The following PRKD3 variants were observed in gnomAD, a reference collection of about 807,000 sequenced individuals.
PRKD3 encodes the protein serine/threonine-protein kinase D3.
A neutral mutation model predicts 99.2 loss-of-function variants in PRKD3; 47 were observed. The ratio of observed to expected loss-of-function variants is 0.47; its 90% CI spans 0.38 to 0.60. The LOEUF (loss-of-function observed/expected upper bound fraction) is 0.60, where lower values mean the gene tolerates loss of function less well. Among genes scored for constraint, PRKD3 ranks in the 20% least tolerant of loss-of-function variants. PRKD3 has a pLI of 0.00. For missense variants in PRKD3, 1,019 were observed against 1,088.4 expected, an observed-to-expected ratio of 0.94 and a Z score of 0.90; for synonymous variants, 392 against 355.4, an observed-to-expected ratio of 1.10 and a Z score of -1.16.
intron 2 of PRKD3, among the ~76,000 whole-genome samples, chr2:37,299,718 A>G (rs193033308): frequency 2.8e-4 from 43 of 152,288 alleles, no homozygotes; most frequent in Non-Finnish European, 4.7e-4. Context: ...ATTAAAAAAT[A>G]AGCAAAAGAT....
chr2:37,282,500 C>T (rs1382876734), intron 7 of PRKD3, 42 bp downstream of exon 7: 4 of 1,224,424 alleles, frequency 3.3e-6, no homozygotes, highest in Non-Finnish European at 3.6e-6. Flanking sequence ...AGAATCATGG[C>T]CTTTTCTGAT....
At chr2:37,265,074 G>T (rs978882094) in intron 14 of PRKD3, among the ~76,000 whole-genome samples, 1 of 152,164 alleles carries the variant, frequency 6.6e-6, no homozygotes, top group Admixed American at 6.5e-5. Context: ...AGCTATGGAC[G>T]CCTCTAGGGA....
At position 37,291,013 on chromosome 2, in the gene PRKD3, A is replaced by G; in HGVS notation, c.428-14T>C. 1 of 1,593,630 alleles carries G rather than the reference A, an allele frequency of 6.3e-7. No individual in the cohort carries two copies. Among genetic ancestry groups the G allele is most frequent in the Non-Finnish European group, 8.5e-7 (1 of 1,170,010 alleles). ...CTGTGGCTAAAGCTTTAAAAAAGAA[A>G]AGTATTACAATACACGTTGTATTTG... On this transcript the variant is annotated splice_polypyrimidine_tract_variant and intron_variant, in intron 3 of 18. Transcript: ENST00000234179.
chr2:37,277,350 TAGGC>T (rs1669626723), intron 9 of PRKD3, among the ~76,000 whole-genome samples: 1 of 152,300 alleles, frequency 6.6e-6, no homozygotes, highest in Middle Eastern at 3.4e-3. Flanking sequence ...TACAGAGACT[TAGGC>T]AGTCTAGCTC....
intron 12 of PRKD3, among the ~76,000 whole-genome samples, chr2:37,270,293 T>C (rs913681865): frequency 6.7e-6 from 1 of 149,962 alleles, no homozygotes; most frequent in African/African-American, 2.5e-5. Flanking sequence ...CTAAAAAAAA[T>C]TAAAAATGAA....
Position 37,316,592 on chromosome 2 carries a change from A to G in PRKD3, c.-68T>C, listed in dbSNP as rs1671670031. 4 of 1,534,420 alleles carry G rather than the reference A, an allele frequency of 2.6e-6. No homozygotes were observed. In the South Asian group the frequency reaches 3.9e-5, roughly 15 times the overall value. On this transcript the variant is annotated 5_prime_UTR_variant, in exon 2 of 19. Coordinates refer to ENST00000234179, the MANE Select transcript of PRKD3 (RefSeq NM_005813.6). ...CAATGGTTATGAAGAGGTTTTTAAA[A>G]TAACAGCAGTAAAGAAAATGACCGC...
chr2:37,299,129 G>A lies in PRKD3; in HGVS notation c.289-5858C>T, dbSNP rs76482779. 5.1e-3 allele frequency among the ~76,000 whole-genome samples: 772 copies of A among 152,142 alleles called. 10 individuals are homozygous for A. The highest frequency in any genetic ancestry group is 0.017 in the African/African-American group (705 of 41,500). On this transcript the variant is annotated intron_variant, in intron 2 of 18. Transcript: ENST00000234179. ...CTAGTTTGTTGACAGTTTTTATCAC[G>A]AAGTTTTCATTGTGTTGAATTTTAC...
chr2:37,306,550 T>C (rs1414572769), intron 2 of PRKD3, among the ~76,000 whole-genome samples: 2 of 152,218 alleles, frequency 1.3e-5, no homozygotes, highest in African/African-American at 4.8e-5. Context: ...GGCTCACACA[T>C]GTAATCCCAG....
intron 14 of PRKD3, 21 bp from the exon 15 acceptor site, chr2:37,260,405 A>G (rs778839045): frequency 3.1e-6 from 5 of 1,591,322 alleles, no homozygotes; most frequent in Non-Finnish European, 3.4e-6. Flanking sequence ...GTTGCAAGAT[A>G]CATGAGCAAC....
intron 1 of PRKD3, among the ~76,000 whole-genome samples, chr2:37,320,330 C>T (rs1225460649): frequency 2.0e-5 from 3 of 151,706 alleles, no homozygotes; most frequent in African/African-American, 7.3e-5. Flanking sequence ...TAATGAGCTC[C>T]ACAACGTATC....
intron 2 of PRKD3, among the ~76,000 whole-genome samples, chr2:37,297,587 AAC>A (rs1208099027): frequency 6.6e-6 from 1 of 152,076 alleles, no homozygotes; most frequent in Non-Finnish European, 1.5e-5. Flanking sequence ...CATCACCTTT[AAC>A]TGTTATGTCC....
rs1356098583 is a variant in PRKD3 at position 37,316,898 on chromosome 2, A to G, written c.-374T>C. On this transcript the variant is annotated 5_prime_UTR_variant, in exon 2 of 19. Coordinates refer to ENST00000234179, the MANE Select transcript of PRKD3 (RefSeq NM_005813.6). ...CTTTAATTTCAGGAAATACATATTG[A>G]ATAAAAGTTGTTTTTCTGTCAAGGT... 32 of 1,012,070 alleles carry G rather than the reference A, an allele frequency of 3.2e-5. No homozygotes were observed. The highest frequency in any genetic ancestry group is 3.7e-5 in the Non-Finnish European group (31 of 847,270). The allele number at this position is 1,012,070 out of a possible 1,614,324, so 62.7% of individuals were successfully genotyped here.
At chr2:37,288,822 G>A (rs1439323912) in intron 5 of PRKD3, among the ~76,000 whole-genome samples, 6 of 152,098 alleles carry the variant, frequency 3.9e-5, no homozygotes, top group South Asian at 2.1e-4. Context: ...TTGGGAGGCC[G>A]AGGCGGGCAG....
At chr2:37,260,087 T>A in intron 15 of PRKD3, 136 bp downstream of exon 15, 1 of 745,082 alleles carries the variant, frequency 1.3e-6, no homozygotes, top group South Asian at 2.0e-5. Context: ...ATCACTTGAA[T>A]CCAGGAGGCA....
At position 37,308,352 on chromosome 2, in the gene PRKD3, T is replaced by C. The variant is rs184528074; in HGVS notation, c.288+7885A>G. On this transcript the variant is annotated intron_variant, in intron 2 of 18. Transcript: ENST00000234179. ...AGCTGCCTGCTGTCCAGAGGTTTGA[T>C]AGTCAATTCCATTATATGTAAATTT... Among the ~76,000 whole-genome samples the C allele has an allele frequency of 1.2e-3, 187 of 152,350 alleles. 2 individuals are homozygous for C. Among genetic ancestry groups the C allele is most frequent in the African/African-American group, 4.2e-3 (174 of 41,588 alleles).
At chr2:37,310,377 C>T (rs984298285) in intron 2 of PRKD3, among the ~76,000 whole-genome samples, 2 of 152,156 alleles carry the variant, frequency 1.3e-5, no homozygotes, top group African/African-American at 4.8e-5. Flanking sequence ...ATTTAATATA[C>T]ACACACAATG....
intron 8 of PRKD3, chr2:37,279,481 C>T (rs1323321796): frequency 4.2e-6 from 1 of 237,120 alleles, no homozygotes; most frequent in African/African-American, 2.3e-5. Context: ...ATCTAGACCA[C>T]ACTTAAAGCA....
At chr2:37,273,820 C>T (rs780466954) in intron 11 of PRKD3, among the ~76,000 whole-genome samples, 1 of 152,134 alleles carries the variant, frequency 6.6e-6, no homozygotes, top group Admixed American at 6.5e-5. Flanking sequence ...AGTGACCTTT[C>T]GATTGTTAAC....
chr2:37,318,085 T>C (rs1671738975), intron 1 of PRKD3, among the ~76,000 whole-genome samples: 1 of 151,944 alleles, frequency 6.6e-6, no homozygotes, highest in Admixed American at 6.6e-5. Context: ...ATAATTCCAA[T>C]GAAGAGAAAG....
Sources: gnomAD v4.1 joint callset for allele counts (sites outside exome capture counted in the v4.1 genomes callset) on GRCh38, gnomAD v4.1.1 for gene constraint, MANE v1.5 for transcripts, NCBI Gene and HGNC (gene_info 2026-07-23, HGNC 2026-07-21) for gene names.